The following HGSNAT variants were observed in gnomAD, a reference collection of about 807,000 sequenced individuals.
HGSNAT encodes the protein transmembrane protein 76.
In HGSNAT, 59 loss-of-function variants were observed where a neutral mutation model predicts 85.2. The observed-to-expected ratio is 0.69, with a 90% CI of 0.56 to 0.86. The LOEUF is 0.86. HGSNAT is among the 40% of genes least tolerant of loss of function. The pLI is 0.00. For missense variants in HGSNAT, 756 were observed against 777.1 expected, an observed-to-expected ratio of 0.97 and a Z score of 0.32; for synonymous variants, 321 against 304.5, an observed-to-expected ratio of 1.05 and a Z score of -0.56.
At chr8:43,171,658 A>G (rs1011081507) in intron 7 of HGSNAT, among the ~76,000 whole-genome samples, 1 of 152,240 alleles carries the variant, frequency 6.6e-6, no homozygotes, top group African/African-American at 2.4e-5. Context: ...AGCCTCAAAC[A>G]GTAGCACATC....
Position 43,167,179 on chromosome 8 carries a change from C to G in HGSNAT, c.564-1994C>G, listed in dbSNP as rs1803459858. 2.0e-5 allele frequency among the ~76,000 whole-genome samples: 3 copies of G among 152,136 alleles called. No individual in the cohort carries two copies. In the South Asian group the frequency reaches 6.2e-4, roughly 32 times the overall value. On this transcript the variant is annotated intron_variant, in intron 5 of 17. Transcript: ENST00000379644. ...CATGTTGTGAACATTGCTGAGATGA[C>G]AACAAAGGATTTAGAATATCACATA...
intron 6 of HGSNAT, among the ~76,000 whole-genome samples, 162 bp from the exon 7 acceptor site, chr8:43,170,423 T>C (rs1803584921): frequency 6.6e-6 from 1 of 152,168 alleles, no homozygotes; most frequent in South Asian, 2.1e-4. Context: ...GAGGTTGCAG[T>C]GAGCCAAGGT....
chr8:43,146,913 T>C (rs1197821176), intron 1 of HGSNAT, 35 bp from the exon 2 acceptor site: 12 of 1,278,708 alleles, frequency 9.4e-6, no homozygotes, highest in Non-Finnish European at 1.3e-5. Flanking sequence ...GGGTGCCTTT[T>C]TTTTTTTTTT....
At chr8:43,171,822 G>C (rs1803633875) in intron 7 of HGSNAT, among the ~76,000 whole-genome samples, 1 of 152,208 alleles carries the variant, frequency 6.6e-6, no homozygotes, top group Non-Finnish European at 1.5e-5. Context: ...AAAGTCACAT[G>C]TGGTTAGGGC....
intron 11 of HGSNAT, among the ~76,000 whole-genome samples, chr8:43,189,676 T>G (rs1276547400): frequency 6.6e-6 from 1 of 152,198 alleles, no homozygotes; most frequent in African/African-American, 2.4e-5. Flanking sequence ...GCAGAAATCA[T>G]CTGTCTTCTG....
intron 8 of HGSNAT, 102 bp downstream of exon 8, chr8:43,172,488 C>G (rs1030332261): frequency 1.2e-6 from 1 of 821,578 alleles, no homozygotes; most frequent in African/African-American, 1.7e-5. Context: ...CAGAAATGAG[C>G]CCCAGCAGCC....
rs374071098 is a variant in HGSNAT, at chr8:43,158,624, A to G, written c.284A>G (p.Lys95Arg). ...VNVPQSPKAG[K>R]PSAAAASVST... The stretch of plus-strand genomic sequence containing the variant: ...GTTCCTCAGAGTCCAAAAGCAGGGA[A>G]GCCTAGTGCTGCAGCTGCCTCTGTC... The change falls in exon 3 of 18, where the codon AAG becomes AGG. Residue 95 changes from lysine (K) to arginine (R), a missense_variant. By Grantham distance (26) the Lys-to-Arg change is conservative. Transcript: ENST00000379644. 14 of 1,613,868 alleles carry G rather than the reference A, an allele frequency of 8.7e-6. No homozygotes were observed. The East Asian group carries it at 2.7e-4, about 31-fold the overall frequency.
At chr8:43,172,981 G>A (rs1775566457) in intron 8 of HGSNAT, among the ~76,000 whole-genome samples, 1 of 152,168 alleles carries the variant, frequency 6.6e-6, no homozygotes, top group Non-Finnish European at 1.5e-5. Context: ...GGAAGAGTTT[G>A]TGAGTTTACT....
At chr8:43,161,912 C>G (rs972885017) in intron 5 of HGSNAT, among the ~76,000 whole-genome samples, 4 of 152,282 alleles carry the variant, frequency 2.6e-5, no homozygotes, top group African/African-American at 9.6e-5. Flanking sequence ...TGCCCAACCT[C>G]TGCCAGCCCA....
intron 2 of HGSNAT, among the ~76,000 whole-genome samples, chr8:43,151,366 A>C (rs1214185939): frequency 1.3e-5 from 2 of 152,216 alleles, no homozygotes; most frequent in Non-Finnish European, 2.9e-5. Flanking sequence ...AGCTGGAAAA[A>C]TAACGGAACC....
chr8:43,196,848 C>A, intron 14 of HGSNAT, 100 bp from the exon 15 acceptor site: 1 of 763,776 alleles, frequency 1.3e-6, no homozygotes, highest in Non-Finnish European at 2.3e-6. Context: ...GCGTGCCCAG[C>A]AAGTGAATCT....
At chr8:43,164,820 C>A (rs1201900002) in intron 5 of HGSNAT, among the ~76,000 whole-genome samples, 1 of 152,042 alleles carries the variant, frequency 6.6e-6, no homozygotes, top group African/African-American at 2.4e-5. Context: ...GCAACTCTTT[C>A]TTTTACTCAA....
intron 1 of HGSNAT, among the ~76,000 whole-genome samples, chr8:43,141,698 G>C (rs1449260255): frequency 6.6e-6 from 1 of 152,028 alleles, no homozygotes; most frequent in Admixed American, 6.5e-5. Flanking sequence ...GAGGAGAAAG[G>C]CGTTGTGAAT....
intron 2 of HGSNAT, among the ~76,000 whole-genome samples, chr8:43,156,899 T>G (rs1043971851): frequency 1.3e-5 from 2 of 152,170 alleles, no homozygotes; most frequent in Non-Finnish European, 2.9e-5. Flanking sequence ...TTTGAGTCTG[T>G]GTGTTCTTAA....
chr8:43,159,655 C>T (rs1803208482), intron 4 of HGSNAT, among the ~76,000 whole-genome samples: 1 of 152,028 alleles, frequency 6.6e-6, no homozygotes, highest in Non-Finnish European at 1.5e-5. Flanking sequence ...CATTAATAAG[C>T]CAAAAATGTT....
chr8:43,143,921 G>A (rs1563352201), intron 1 of HGSNAT, among the ~76,000 whole-genome samples: 1 of 152,006 alleles, frequency 6.6e-6, no homozygotes, highest in Non-Finnish European at 1.5e-5. Flanking sequence ...TTACCTGGGA[G>A]ATCTCAACCA....
At chr8:43,169,646 T>A (rs1282784234) in intron 6 of HGSNAT, among the ~76,000 whole-genome samples, 1 of 152,168 alleles carries the variant, frequency 6.6e-6, no homozygotes, top group Non-Finnish European at 1.5e-5. Context: ...TCAGGCTCAT[T>A]TATGGGGATG....
rs1804147103 is a variant in HGSNAT at position 43,182,126 on chromosome 8, T to C, written c.1013-19T>C. On this transcript the variant is annotated intron_variant, in intron 10 of 17. Transcript: ENST00000379644. ...GAGAAGTCCTGGCTAACACTTGACC[T>C]AACTTGTGTCTTTTGCAGTGTCTTG... 4 of 1,594,398 alleles carry C rather than the reference T, an allele frequency of 2.5e-6. No individual in the cohort carries two copies. The highest frequency in any genetic ancestry group is 3.4e-6 in the Non-Finnish European group (4 of 1,162,170).
chr8:43,163,660 G>A (rs1563364017), intron 5 of HGSNAT, among the ~76,000 whole-genome samples: 1 of 151,864 alleles, frequency 6.6e-6, no homozygotes, highest in Non-Finnish European at 1.5e-5. Context: ...CAAATAGCTG[G>A]GATTACAGGC....
Sources: allele counts gnomAD v4.1 joint callset (sites outside exome capture counted in the v4.1 genomes callset), GRCh38; gene constraint gnomAD v4.1.1; transcripts MANE v1.5; gene names NCBI Gene and HGNC (gene_info 2026-07-23, HGNC 2026-07-21).